Variants in TMEM45B observed in about 807,000 individuals in gnomAD.
TMEM45B encodes the protein transmembrane protein 45B.
In TMEM45B, 29 loss-of-function variants were observed where a neutral mutation model predicts 27.3. That is an observed-to-expected ratio of 1.06 (90% confidence interval 0.79 to 1.45). The LOEUF (loss-of-function observed/expected upper bound fraction) is 1.45, where lower values mean the gene tolerates loss of function less well. Ranked by LOEUF, TMEM45B falls within the 40% of genes most tolerant of loss-of-function variation. The probability of loss-of-function intolerance (pLI) is 0.00; values close to 1 mark genes in which losing one functional copy is unlikely to be tolerated. For synonymous variants in TMEM45B, 143 were observed against 134.7 expected (o/e 1.06, Z -0.43); for missense variants, 348 against 343.9 (o/e 1.01, Z -0.09).
chr11:129,828,803 A>T, intron 1 of TMEM45B, among the ~76,000 whole-genome samples: 1 of 152,208 alleles, frequency 6.6e-6, no homozygotes, highest in Non-Finnish European at 1.5e-5. Flanking sequence ...CATTCCCATT[A>T]ACAAGTTATG....
intron 1 of TMEM45B, among the ~76,000 whole-genome samples, chr11:129,817,258 C>A (rs191817113): frequency 1.3e-3 from 195 of 152,210 alleles, no homozygotes; most frequent in African/African-American, 4.0e-3. Flanking sequence ...TGTGTAATAT[C>A]TTCAGTATAA....
rs540180936 is a variant in TMEM45B at position 129,836,175 on chromosome 11, A to C, written c.-8-16300A>C. 1.2e-3 allele frequency among the ~76,000 whole-genome samples: 178 copies of C among 152,152 alleles called. 1 individual carries two copies. The highest frequency in any genetic ancestry group is 4.2e-3 in the African/African-American group (173 of 41,494). ...GCCCTACCAGGTTCCAGGACAGGAGATCCATGACCACTTTCTTCTTTCCAA... is the reference window on the plus strand; with the variant it reads ...GCCCTACCAGGTTCCAGGACAGGAGCTCCATGACCACTTTCTTCTTTCCAA... On this transcript the variant is annotated intron_variant, in intron 1 of 5. Transcript: ENST00000281441.
At position 129,847,416 on chromosome 11, in the gene TMEM45B, T is replaced by TTATTTTTTTTA. The variant is rs1555072216; in HGVS notation, c.-8-5059_-8-5058insTATTTTTTTTA. The stretch of plus-strand genomic sequence containing the variant: ...AAAAGCTTATGAAGTTATTTTTTTT[T>TTATTTTTTTTA]ATTTTTTTTTATTGATCATTCTTGG... On this transcript the variant is annotated intron_variant, in intron 1 of 5. Transcript: ENST00000281441. Among the ~76,000 whole-genome samples the TTATTTTTTTTA allele has an allele frequency of 6.9e-3, 1,044 of 151,618 alleles. 6 individuals carry two copies. Among genetic ancestry groups the TTATTTTTTTTA allele is most frequent in the Non-Finnish European group, 0.011 (716 of 67,934 alleles).
In TMEM45B at chr11:129,815,861, G is replaced by A. The variant is rs1392310439; in HGVS notation, c.-46G>A. 3.1e-6 allele frequency: 4 copies of A among 1,308,936 alleles called. No homozygotes were observed. The highest frequency in any genetic ancestry group is 3.9e-6 in the Non-Finnish European group (4 of 1,037,402). 81.1% of individuals were successfully genotyped at this position (1,308,936 alleles called of 1,614,324 possible). On this transcript the variant is annotated 5_prime_UTR_variant, in exon 1 of 6. Transcript: ENST00000281441. The stretch of plus-strand genomic sequence containing the variant: ...TTCTGGGCGGACGCACTTGGCGCGC[G>A]GCGCGGGCTGCAGACGGCTGCGAGG...
Position 129,840,946 on chromosome 11 carries a change from T to G in TMEM45B, c.-8-11529T>G, listed in dbSNP as rs1165269437. ...CAAAGAGGCAGGCAATTTCTTTCTG[T>G]AAAAAAAAAAAAAAAAAAAAAAAAG... On this transcript the variant is annotated intron_variant, in intron 1 of 5. Coordinates refer to ENST00000281441, the MANE Select transcript of TMEM45B (RefSeq NM_138788.5). 8.2e-4 allele frequency among the ~76,000 whole-genome samples: 24 copies of G among 29,274 alleles called. No individual in the cohort carries two copies. In the South Asian group the frequency reaches 0.048, roughly 58 times the overall value. The allele number at this position is 29,274 out of a possible 152,430, so 19.2% of individuals were successfully genotyped here.
chr11:129,841,632 G>A (rs1423510914), intron 1 of TMEM45B, among the ~76,000 whole-genome samples: 3 of 133,820 alleles, frequency 2.2e-5, no homozygotes, highest in East Asian at 2.2e-4. Flanking sequence ...TCACTCTGTC[G>A]CCCGCCCAGG....
intron 1 of TMEM45B, among the ~76,000 whole-genome samples, chr11:129,838,061 C>A (rs1274795874): frequency 6.6e-6 from 1 of 152,048 alleles, no homozygotes; most frequent in African/African-American, 2.4e-5. Context: ...GGATTACAGG[C>A]GTGAGCCACC....
Position 129,859,755 on chromosome 11 carries a change from C to G in TMEM45B, c.*1070C>G, listed in dbSNP as rs1179524389. 2.0e-5 allele frequency: 3 copies of G among 152,154 alleles called. No individual in the cohort carries two copies. Among genetic ancestry groups the G allele is most frequent in the Non-Finnish European group, 4.4e-5 (3 of 68,058 alleles). 9.4% of individuals were successfully genotyped at this position (152,154 alleles called of 1,614,324 possible). A position where few individuals can be genotyped will look rare whatever the true frequency, so the allele number is the denominator to read the frequency against. On this transcript the variant is annotated 3_prime_UTR_variant, in exon 6 of 6. Transcript: ENST00000281441. Reference sequence around the variant, plus strand: ...GAATGGCATGAACCCGGTAGGGGAGCTTGCAGTGAGCCCAGATCATGCCAC... The same window carrying G: ...GAATGGCATGAACCCGGTAGGGGAGGTTGCAGTGAGCCCAGATCATGCCAC...
At chr11:129,841,516 C>T (rs1490841569) in intron 1 of TMEM45B, among the ~76,000 whole-genome samples, 1 of 145,020 alleles carries the variant, frequency 6.9e-6, no homozygotes, top group Non-Finnish European at 1.5e-5. Context: ...TGAAAACTGG[C>T]CTTCTCCAAC....
At chr11:129,834,503 A>AGAG (rs1947594547) in intron 1 of TMEM45B, among the ~76,000 whole-genome samples, 1 of 3,484 alleles carries the variant, frequency 2.9e-4, no homozygotes, top group Non-Finnish European at 3.2e-3. Context: ...GAAAGAAAAA[A>AGAG]CAGAGCTGTA....
At chr11:129,852,783 G>C (rs1303902705) in intron 2 of TMEM45B, 123 bp downstream of exon 2, 8 of 1,006,434 alleles carry the variant, frequency 7.9e-6, no homozygotes, top group Non-Finnish European at 1.2e-5. Flanking sequence ...ACAATTTCCT[G>C]ATGGCCACTA....
chr11:129,834,153 G>A (rs1262277234), intron 1 of TMEM45B, among the ~76,000 whole-genome samples: 16 of 152,086 alleles, frequency 1.1e-4, no homozygotes, highest in African/African-American at 2.7e-4. Flanking sequence ...GACATTAGCC[G>A]GGCGCGGTGG....
At chr11:129,851,015 TCA>T (rs2135596969) in intron 1 of TMEM45B, among the ~76,000 whole-genome samples, 1 of 152,362 alleles carries the variant, frequency 6.6e-6, no homozygotes, top group South Asian at 2.1e-4. Context: ...TGTGCTGATA[TCA>T]CACAATACGC....
intron 1 of TMEM45B, among the ~76,000 whole-genome samples, chr11:129,837,928 C>T (rs1268194319): frequency 1.3e-5 from 2 of 151,562 alleles, no homozygotes; most frequent in East Asian, 3.9e-4. Flanking sequence ...ACTACAGGTG[C>T]CCGCCACCAT....
intron 1 of TMEM45B, among the ~76,000 whole-genome samples, chr11:129,817,944 A>G (rs1209312132): frequency 6.6e-6 from 1 of 152,222 alleles, no homozygotes; most frequent in South Asian, 2.1e-4. Context: ...TTTTTACTGT[A>G]AGAGAATTAA....
intron 1 of TMEM45B, among the ~76,000 whole-genome samples, chr11:129,827,621 T>G (rs1364430566): frequency 1.3e-5 from 2 of 151,690 alleles, no homozygotes; most frequent in East Asian, 3.9e-4. Flanking sequence ...CTGACCAACA[T>G]GGAGAAACCC....
chr11:129,818,494 A>C (rs1947378939), intron 1 of TMEM45B, among the ~76,000 whole-genome samples: 1 of 152,224 alleles, frequency 6.6e-6, no homozygotes, highest in South Asian at 2.1e-4. Context: ...CGTATTTCAA[A>C]AATGAGGAGA....
At chr11:129,832,946 TGTAA>T (rs1257692054) in intron 1 of TMEM45B, among the ~76,000 whole-genome samples, 13 of 152,238 alleles carry the variant, frequency 8.5e-5, no homozygotes, top group African/African-American at 2.9e-4. Flanking sequence ...TGAAAGGAAA[TGTAA>T]GTGTTAATTG....
At chr11:129,837,093 A>G (rs1197913377) in intron 1 of TMEM45B, among the ~76,000 whole-genome samples, 5 of 152,010 alleles carry the variant, frequency 3.3e-5, no homozygotes, top group African/African-American at 7.2e-5. Flanking sequence ...GCTCTCGCCC[A>G]GGCCTGCTTC....
Sources: gnomAD v4.1 joint callset for allele counts (sites outside exome capture counted in the v4.1 genomes callset) on GRCh38, gnomAD v4.1.1 for gene constraint, MANE v1.5 for transcripts, NCBI Gene and HGNC (gene_info 2026-07-23, HGNC 2026-07-21) for gene names.